Variants in RALYL observed in about 807,000 individuals in gnomAD.
The protein encoded by RALYL is RNA-binding Raly-like protein.
In RALYL, 29 loss-of-function variants were observed where a neutral mutation model predicts 35.1. That is an observed-to-expected ratio of 0.83 (90% CI 0.61 to 1.13). The LOEUF (loss-of-function observed/expected upper bound fraction) is 1.13, where lower values mean the gene tolerates loss of function less well. Ranked by LOEUF, RALYL falls within the 50% of genes most tolerant of loss-of-function variation. The probability of loss-of-function intolerance (pLI) is 0.00; values close to 1 mark genes in which losing one functional copy is unlikely to be tolerated. For missense variants in RALYL, 359 were observed against 360.4 expected (o/e 1.00, Z 0.03); for synonymous variants, 120 against 127.6 (o/e 0.94, Z 0.40).
chr8:84,817,929 T>C (rs1827734516), intron 4 of RALYL, among the ~76,000 whole-genome samples: 1 of 152,210 alleles, frequency 6.6e-6, no homozygotes, highest in Admixed American at 6.5e-5. Flanking sequence ...GAAATAAATA[T>C]CAATTATTAA....
In RALYL at chr8:84,757,833, G is replaced by A. The variant is rs548141647; in HGVS notation, c.257-16746G>A. ...AATGAATGTATATGGTAGGCTGGAA[G>A]TCATTAAGCTTTAAAAATTTAGAGA... On this transcript the variant is annotated intron_variant, in intron 2 of 8. Coordinates refer to ENST00000521268, the MANE Select transcript of RALYL (RefSeq NM_173848.7). 2.6e-5 allele frequency among the ~76,000 whole-genome samples: 4 copies of A among 152,220 alleles called. No homozygotes were observed. The South Asian group carries it at 6.2e-4, about 24-fold the overall frequency.
chr8:84,884,538 T>C (rs1214724100), intron 7 of RALYL, among the ~76,000 whole-genome samples: 2 of 151,724 alleles, frequency 1.3e-5, no homozygotes, highest in Non-Finnish European at 2.9e-5. Flanking sequence ...CATATATGTA[T>C]ATATATTACA....
At chr8:84,327,131 G>T (rs1845946511) in intron 1 of RALYL, among the ~76,000 whole-genome samples, 1 of 152,116 alleles carries the variant, frequency 6.6e-6, no homozygotes, top group Admixed American at 6.6e-5. Flanking sequence ...AAAGGGGGTG[G>T]TAGAGCCTAG....
intron 4 of RALYL, among the ~76,000 whole-genome samples, chr8:84,838,235 G>A (rs369409429): frequency 8.4e-4 from 128 of 152,226 alleles, no homozygotes; most frequent in African/African-American, 3.0e-3. Context: ...CTTTTGGTGG[G>A]TGATTTCAAA....
At chr8:84,685,341 A>G (rs1836541852) in intron 2 of RALYL, among the ~76,000 whole-genome samples, 1 of 152,066 alleles carries the variant, frequency 6.6e-6, no homozygotes, top group South Asian at 2.1e-4. Flanking sequence ...CATCAACTCT[A>G]TGCCACCAGG....
intron 2 of RALYL, among the ~76,000 whole-genome samples, chr8:84,595,647 A>C (rs1814328045): frequency 6.6e-6 from 1 of 152,172 alleles, no homozygotes; most frequent in Admixed American, 6.6e-5. Flanking sequence ...GGCCCTCTAC[A>C]AATAGGTCAC....
intron 1 of RALYL, among the ~76,000 whole-genome samples, chr8:84,497,957 G>GT (rs34025556): frequency 1.1e-4 from 16 of 147,926 alleles, no homozygotes; most frequent in Non-Finnish European, 1.9e-4. Flanking sequence ...TGCTTTTTAA[G>GT]TTTTTTTTTT....
intron 2 of RALYL, among the ~76,000 whole-genome samples, chr8:84,769,068 TTA>T (rs1814791642): frequency 6.6e-6 from 1 of 152,234 alleles, no homozygotes; most frequent in Non-Finnish European, 1.5e-5. Flanking sequence ...CATGTTCATT[TTA>T]TGTCATTAAG....
chr8:84,808,783 C>T (rs913822531), intron 4 of RALYL, among the ~76,000 whole-genome samples: 2 of 152,018 alleles, frequency 1.3e-5, no homozygotes, highest in African/African-American at 2.4e-5. Flanking sequence ...AAGTGGATTG[C>T]GTTTTTTATT....
intron 1 of RALYL, among the ~76,000 whole-genome samples, chr8:84,407,346 G>A (rs1264347469): frequency 6.6e-6 from 1 of 152,168 alleles, no homozygotes; most frequent in Non-Finnish European, 1.5e-5. Flanking sequence ...GAATATGAAA[G>A]CAGTGAACAG....
intron 3 of RALYL, among the ~76,000 whole-genome samples, chr8:84,779,804 G>A (rs10100824): frequency 0.033 from 5,071 of 152,266 alleles, 275 homozygotes; most frequent in African/African-American, 0.12. Flanking sequence ...CTGGACCTAC[G>A]TGAGTTTTGT....
chr8:84,440,008 G>C (rs1017253384), intron 1 of RALYL, among the ~76,000 whole-genome samples: 1 of 151,990 alleles, frequency 6.6e-6, no homozygotes, highest in Non-Finnish European at 1.5e-5. Flanking sequence ...CAGAATTGTA[G>C]TATAATAAAA....
chr8:84,591,865 A>C (rs978959424), intron 2 of RALYL, among the ~76,000 whole-genome samples: 2 of 152,196 alleles, frequency 1.3e-5, no homozygotes, highest in Admixed American at 1.3e-4. Context: ...TTAGTTAAAT[A>C]ATCTGTATCT....
chr8:84,674,945 A>C (rs1588927820), intron 2 of RALYL, among the ~76,000 whole-genome samples: 1 of 151,966 alleles, frequency 6.6e-6, no homozygotes. Context: ...TTAAAATTTG[A>C]TTATAAGAAG....
intron 1 of RALYL, among the ~76,000 whole-genome samples, chr8:84,407,971 T>C (rs988685857): frequency 4.6e-5 from 7 of 152,226 alleles, no homozygotes; most frequent in South Asian, 2.1e-4. Flanking sequence ...AATCCAGGGC[T>C]GTCTCTAGAG....
At chr8:84,456,785 C>T (rs1034211616) in intron 1 of RALYL, among the ~76,000 whole-genome samples, 3 of 152,052 alleles carry the variant, frequency 2.0e-5, no homozygotes, top group Non-Finnish European at 2.9e-5. Flanking sequence ...TACATTACAT[C>T]ATCTTAGAAT....
At chr8:84,527,026 A>G (rs1350656195) in intron 1 of RALYL, among the ~76,000 whole-genome samples, 4 of 152,212 alleles carry the variant, frequency 2.6e-5, no homozygotes, top group African/African-American at 4.8e-5. Context: ...AGTTTATGTA[A>G]TAGAAAAGAT....
chr8:84,740,708 G>C (rs1244846192), intron 2 of RALYL, among the ~76,000 whole-genome samples: 1 of 151,976 alleles, frequency 6.6e-6, no homozygotes, highest in African/African-American at 2.4e-5. Flanking sequence ...TAACTCCAGA[G>C]GTTAAAAATG....
chr8:84,515,286 T>A (rs2057968435), intron 1 of RALYL, among the ~76,000 whole-genome samples: 1 of 152,190 alleles, frequency 6.6e-6, no homozygotes, highest in African/African-American at 2.4e-5. Flanking sequence ...TCACTCCCTG[T>A]CTAATTTTTT....
Sources: allele counts gnomAD v4.1 joint callset (sites outside exome capture counted in the v4.1 genomes callset), GRCh38; gene constraint gnomAD v4.1.1; transcripts MANE v1.5; gene names NCBI Gene and HGNC (gene_info 2026-07-23, HGNC 2026-07-21).